Variants in COL10A1 observed in about 807,000 individuals in gnomAD.
COL10A1 encodes the protein collagen type X alpha 1 chain.
A neutral mutation model predicts 18.2 loss-of-function variants in COL10A1; 10 were observed. That is an observed-to-expected ratio of 0.55 (90% confidence interval 0.34 to 0.93). COL10A1 has a LOEUF of 0.93. Ranked by LOEUF, COL10A1 falls within the 40% of genes least tolerant of loss-of-function variation. The pLI is 0.02. For synonymous variants in COL10A1, 330 were observed against 316.6 expected, an observed-to-expected ratio of 1.04 and a Z score of -0.45; for missense variants, 897 against 853.5, an observed-to-expected ratio of 1.05 and a Z score of -0.64.
rs1562124932 is a variant in COL10A1 at position 116,121,762 on chromosome 6, T to C, written c.354A>G (p.Gly118=). Residue 118 remains glycine (G), a synonymous_variant, in exon 3 of 3, where the codon GGA becomes GGG. Transcript: ENST00000651968. ...PGVPGLPGKP[G]ERGPYGPKGD... ...CTTTTGGTCCATATGGTCCTCTCTCTCCTGGTTTTCCTGGGAGTCCTGGCA... is the reference window on the plus strand; with the variant it reads ...CTTTTGGTCCATATGGTCCTCTCTCCCCTGGTTTTCCTGGGAGTCCTGGCA... The C allele has an allele frequency of 6.2e-7, 1 of 1,613,786 alleles. No individual in the cohort carries two copies. The highest frequency in any genetic ancestry group is 1.1e-5 in the South Asian group (1 of 91,042).
At chr6:116,200,895 A>G in the COL10A1 span, among the ~76,000 whole-genome samples, 1 of 151,914 alleles carries the variant, frequency 6.6e-6, no homozygotes, top group Non-Finnish European at 1.5e-5. Context: ...TTCTTCCCCC[A>G]CCCACTCAGA....
chr6:116,186,554 T>C, the COL10A1 span, among the ~76,000 whole-genome samples: 1 of 151,992 alleles, frequency 6.6e-6, no homozygotes, highest in East Asian at 1.9e-4. Context: ...CCAAACTTAT[T>C]GGAGGCTTTG....
intron 1 of COL10A1, among the ~76,000 whole-genome samples, chr6:116,148,090 G>T (rs1218452890): frequency 1.3e-5 from 2 of 152,052 alleles, no homozygotes; most frequent in African/African-American, 4.8e-5. Context: ...AGAGTAGATG[G>T]TATACAGCAT....
At chr6:116,135,108 A>G (rs913526413) in intron 1 of COL10A1, among the ~76,000 whole-genome samples, 7 of 152,184 alleles carry the variant, frequency 4.6e-5, no homozygotes, top group Non-Finnish European at 8.8e-5. Context: ...AATATATTAT[A>G]TGCCAGGAAA....
the COL10A1 span, among the ~76,000 whole-genome samples, chr6:116,177,850 A>G: frequency 1.9e-3 from 282 of 152,292 alleles, 1 homozygote; most frequent in African/African-American, 5.9e-3. Flanking sequence ...CAGCTCTGAA[A>G]TGCCTACTGG....
At chr6:116,202,983 C>T in the COL10A1 span, among the ~76,000 whole-genome samples, 1 of 151,938 alleles carries the variant, frequency 6.6e-6, no homozygotes, top group South Asian at 2.1e-4. Flanking sequence ...CTTTTCCAAA[C>T]ATGGTTTTTC....
chr6:116,162,780 T>C (rs1263509076), upstream of COL10A1, among the ~76,000 whole-genome samples: 1 of 152,136 alleles, frequency 6.6e-6, no homozygotes, highest in African/African-American at 2.4e-5. Flanking sequence ...AGCATGATAC[T>C]AGTTTCATAG....
upstream of COL10A1, among the ~76,000 whole-genome samples, chr6:116,163,405 T>C (rs1179788012): frequency 6.6e-6 from 1 of 151,974 alleles, no homozygotes; most frequent in Non-Finnish European, 1.5e-5. Flanking sequence ...CTAGTTTGTA[T>C]GCATAGAGAT....
At chr6:116,188,802 A>G in the COL10A1 span, among the ~76,000 whole-genome samples, 4 of 151,294 alleles carry the variant, frequency 2.6e-5, no homozygotes, top group East Asian at 7.8e-4. Context: ...ATGTGTGTGT[A>G]TGTTTTATAA....
At chr6:116,135,033 T>C (rs1779555660) in intron 1 of COL10A1, among the ~76,000 whole-genome samples, 1 of 152,146 alleles carries the variant, frequency 6.6e-6, no homozygotes, top group Admixed American at 6.5e-5. Context: ...CCCATTATCT[T>C]TTACTCATCT....
upstream of COL10A1, among the ~76,000 whole-genome samples, chr6:116,130,723 G>C (rs1344069807): frequency 1.3e-5 from 2 of 151,972 alleles, no homozygotes; most frequent in Non-Finnish European, 2.9e-5. Flanking sequence ...AGGACCACAG[G>C]TGTTTACTTA....
At chr6:116,156,043 G>A (rs1582840512) in intron 1 of COL10A1, among the ~76,000 whole-genome samples, 2 of 152,112 alleles carry the variant, frequency 1.3e-5, no homozygotes, top group African/African-American at 4.8e-5. Context: ...AAAACATTAT[G>A]ATAGTCACAA....
At chr6:116,140,742 T>A (rs955414181) in intron 1 of COL10A1, among the ~76,000 whole-genome samples, 1 of 152,194 alleles carries the variant, frequency 6.6e-6, no homozygotes, top group Admixed American at 6.5e-5. Context: ...ACACTGTATG[T>A]ATCTGCTTCT....
At position 116,156,500 on chromosome 6, in the gene COL10A1, G is replaced by A. The variant is rs189348402; in HGVS notation, c.-16+2114C>T. On this transcript the variant is annotated intron_variant, in intron 1 of 1. Transcript: ENST00000418500. ...GCTGTGTATAGTGCAAAGTAAAAAG[G>A]AATGCGTCTTAAGGAAGACATGGGC... Among the ~76,000 whole-genome samples, 3 of 152,238 alleles carry A rather than the reference G, an allele frequency of 2.0e-5. No homozygotes were observed. In the East Asian group the frequency reaches 5.8e-4, roughly 29 times the overall value.
chr6:116,151,416 C>A (rs144732980), intron 1 of COL10A1, among the ~76,000 whole-genome samples: 1 of 152,082 alleles, frequency 6.6e-6, no homozygotes, highest in South Asian at 2.1e-4. Flanking sequence ...TTGGTTTATA[C>A]CCTCTAAGTG....
At chr6:116,126,482 A>G (rs1779315804), upstream of COL10A1, among the ~76,000 whole-genome samples, 1 of 152,150 alleles carries the variant, frequency 6.6e-6, no homozygotes, top group Non-Finnish European at 1.5e-5. Context: ...GATATTATAT[A>G]ATATGTGGTA....
chr6:116,178,084 TGTGTGC>T, the COL10A1 span, among the ~76,000 whole-genome samples: 1,563 of 91,866 alleles, frequency 0.017, 10 homozygotes, highest in Admixed American at 0.027. Flanking sequence ...TGTGTGTGTG[TGTGTGC>T]GCGCGCGCGC....
intron 1 of COL10A1, among the ~76,000 whole-genome samples, chr6:116,144,214 TA>T (rs1245889126): frequency 6.6e-6 from 1 of 152,060 alleles, no homozygotes; most frequent in African/African-American, 2.4e-5. Context: ...CATTAAAGTG[TA>T]AAAGGAGGCC....
chr6:116,190,096 A>G, the COL10A1 span, among the ~76,000 whole-genome samples: 1 of 151,952 alleles, frequency 6.6e-6, no homozygotes, highest in Non-Finnish European at 1.5e-5. Flanking sequence ...AGCAATATCT[A>G]TCACAGAGCT....
Sources: gnomAD v4.1 joint callset for allele counts (sites outside exome capture counted in the v4.1 genomes callset) on GRCh38, gnomAD v4.1.1 for gene constraint, MANE v1.5 for transcripts, NCBI Gene and HGNC (gene_info 2026-07-23, HGNC 2026-07-21) for gene names.